The following PCDH15 variants were observed in gnomAD, a reference collection of about 807,000 sequenced individuals.
PCDH15 encodes the protein protocadherin-15.
A neutral mutation model predicts 178.5 loss-of-function variants in PCDH15; 129 were observed. The observed-to-expected ratio is 0.72, with a 90% CI of 0.63 to 0.84. The LOEUF is 0.84. PCDH15 is among the 40% of genes least tolerant of loss of function. PCDH15 has a pLI of 0.00. For missense variants in PCDH15, 2,230 were observed against 2,099.9 expected, an observed-to-expected ratio of 1.06 and a Z score of -1.21; for synonymous variants, 800 against 732.0, an observed-to-expected ratio of 1.09 and a Z score of -1.50.
chr10:55,111,882 C>A (rs1339611672), intron 2 of PCDH15, among the ~76,000 whole-genome samples: 2 of 151,932 alleles, frequency 1.3e-5, no homozygotes, highest in East Asian at 1.9e-4. Flanking sequence ...TAAAAAAGTT[C>A]TTTTTCAAAT....
intron 13 of PCDH15, among the ~76,000 whole-genome samples, chr10:54,166,311 G>A (rs971110451): frequency 6.6e-6 from 1 of 152,154 alleles, no homozygotes; most frequent in Non-Finnish European, 1.5e-5. Context: ...TGTGAAGAAG[G>A]ATTATTTCTT....
At chr10:55,551,738 A>T (rs903103554) in intron 2 of PCDH15, among the ~76,000 whole-genome samples, 2 of 151,746 alleles carry the variant, frequency 1.3e-5, no homozygotes, top group Admixed American at 6.6e-5. Flanking sequence ...GTTGATTTTA[A>T]TTATTATTTA....
intron 13 of PCDH15, among the ~76,000 whole-genome samples, chr10:54,173,729 G>C (rs932261837): frequency 1.3e-5 from 2 of 152,042 alleles, no homozygotes; most frequent in African/African-American, 4.8e-5. Context: ...AAGAAGAAAA[G>C]TATGCAAAAA....
intron 1 of PCDH15, among the ~76,000 whole-genome samples, chr10:54,671,608 T>G (rs2094674939): frequency 6.6e-6 from 1 of 152,156 alleles, no homozygotes; most frequent in East Asian, 1.9e-4. Flanking sequence ...AGATGAAAAT[T>G]TGAACAAAAA....
intron 9 of PCDH15, among the ~76,000 whole-genome samples, chr10:54,227,927 A>C (rs1262422366): frequency 6.6e-6 from 1 of 152,170 alleles, no homozygotes; most frequent in Non-Finnish European, 1.5e-5. Context: ...TCTATCTGAG[A>C]CCACCTCAGC....
At chr10:55,490,024 C>G (rs1840377654) in intron 2 of PCDH15, among the ~76,000 whole-genome samples, 1 of 151,504 alleles carries the variant, frequency 6.6e-6, no homozygotes. Context: ...AAAACTTGTC[C>G]ACCCAAAACA....
At chr10:54,895,875 G>C (rs1263613101) in intron 3 of PCDH15, among the ~76,000 whole-genome samples, 1 of 151,962 alleles carries the variant, frequency 6.6e-6, no homozygotes, top group Non-Finnish European at 1.5e-5. Context: ...CTGAAAAATA[G>C]CTAAGGGTAT....
intron 31 of PCDH15, among the ~76,000 whole-genome samples, chr10:53,828,187 C>A (rs1588971819): frequency 1.4e-5 from 1 of 72,162 alleles, no homozygotes; most frequent in African/African-American, 5.2e-5. Context: ...TCCTGGCCAA[C>A]AAGAGCAAAA....
At chr10:55,341,797 ATATATATATTTTTTTTTTTTTT>A (rs1340996745) in intron 2 of PCDH15, among the ~76,000 whole-genome samples, 11 of 11,340 alleles carry the variant, frequency 9.7e-4, no homozygotes, top group African/African-American at 3.9e-3. Flanking sequence ...ATATATATAT[ATATATATATTTTTTTTTTTTTT>A]TTTTTTTTTT....
intron 8 of PCDH15, among the ~76,000 whole-genome samples, chr10:54,288,137 C>T (rs1392862942): frequency 1.3e-5 from 2 of 152,006 alleles, no homozygotes; most frequent in South Asian, 2.1e-4. Flanking sequence ...ACCTGGCCAA[C>T]ATAGTGAAAC....
chr10:55,482,303 C>G (rs910053969), intron 2 of PCDH15, among the ~76,000 whole-genome samples: 3 of 151,698 alleles, frequency 2.0e-5, no homozygotes, highest in African/African-American at 7.2e-5. Context: ...TGTCTTTTAA[C>G]TGTGGCATTT....
intron 3 of PCDH15, among the ~76,000 whole-genome samples, chr10:54,461,598 T>G (rs149400366): frequency 9.0e-4 from 137 of 152,270 alleles, no homozygotes; most frequent in African/African-American, 3.0e-3. Context: ...TGCTTAGATA[T>G]TAAATAGCTG....
At chr10:54,645,514 T>C (rs1190300719) in intron 2 of PCDH15, among the ~76,000 whole-genome samples, 2 of 151,882 alleles carry the variant, frequency 1.3e-5, no homozygotes, top group Admixed American at 6.6e-5. Context: ...AAAATAAAAG[T>C]ACAGATACCA....
intron 3 of PCDH15, among the ~76,000 whole-genome samples, chr10:54,440,604 T>C (rs2075737891): frequency 6.6e-6 from 1 of 151,968 alleles, no homozygotes; most frequent in African/African-American, 2.4e-5. Context: ...AAAATGCCCT[T>C]CTTGAACCAT....
intron 2 of PCDH15, among the ~76,000 whole-genome samples, chr10:55,128,539 C>T (rs759249888): frequency 3.9e-5 from 6 of 151,940 alleles, no homozygotes; most frequent in Non-Finnish European, 7.4e-5. Flanking sequence ...CTAGGAAGCA[C>T]TTCTCTTTTT....
intron 26 of PCDH15, among the ~76,000 whole-genome samples, chr10:53,900,235 C>A (rs962304991): frequency 1.3e-5 from 2 of 150,720 alleles, no homozygotes; most frequent in South Asian, 4.2e-4. Context: ...CTCTCTCTCC[C>A]CCCCTCTCTC....
At chr10:55,124,936 T>G (rs915097154) in intron 2 of PCDH15, among the ~76,000 whole-genome samples, 4 of 151,974 alleles carry the variant, frequency 2.6e-5, no homozygotes, top group Non-Finnish European at 1.5e-5. Context: ...TCATTACAAA[T>G]TCTTTCCATC....
intron 13 of PCDH15, among the ~76,000 whole-genome samples, chr10:54,164,692 A>G (rs2046037873): frequency 6.6e-6 from 1 of 152,218 alleles, no homozygotes; most frequent in Non-Finnish European, 1.5e-5. Flanking sequence ...TTTAACATCT[A>G]TTTTTAATGC....
intron 2 of PCDH15, among the ~76,000 whole-genome samples, chr10:54,569,072 A>G (rs2089439727): frequency 6.6e-6 from 1 of 151,982 alleles, no homozygotes; most frequent in Admixed American, 6.6e-5. Flanking sequence ...CAGAGACCAT[A>G]GAATTTTAGC....
Sources: gnomAD v4.1 joint callset for allele counts (sites outside exome capture counted in the v4.1 genomes callset) on GRCh38, gnomAD v4.1.1 for gene constraint, MANE v1.5 for transcripts, NCBI Gene and HGNC (gene_info 2026-07-23, HGNC 2026-07-21) for gene names.